CSMD3: variants seen among roughly 807,000 people sequenced by gnomAD.
CSMD3 encodes CUB and sushi domain-containing protein 3.
Under a neutral mutation model 435.2 loss-of-function variants are expected in CSMD3, and 177 were observed. The ratio of observed to expected loss-of-function variants is 0.41; its 90% CI spans 0.36 to 0.46. The LOEUF is 0.46. Ranked by LOEUF, CSMD3 falls within the 20% of genes least tolerant of loss-of-function variation. CSMD3 has a pLI of 0.34. For missense variants in CSMD3, 4,265 were observed against 4,504.6 expected, an observed-to-expected ratio of 0.95 and a Z score of 1.52; for synonymous variants, 1,656 against 1,520.5, an observed-to-expected ratio of 1.09 and a Z score of -2.07.
At chr8:112,361,056 A>ATTTGTAGGAATCAATAAGAGAATTTT (rs1827151258) in intron 38 of CSMD3, among the ~76,000 whole-genome samples, 1 of 152,006 alleles carries the variant, frequency 6.6e-6, no homozygotes, top group Non-Finnish European at 1.5e-5. Context: ...TCAATAAGTT[A>ATTTGTAGGAATCAATAAGAGAATTTT]TTTGTAGGAA....
At chr8:113,268,491 A>C (rs566893263) in intron 3 of CSMD3, among the ~76,000 whole-genome samples, 5 of 152,014 alleles carry the variant, frequency 3.3e-5, no homozygotes, top group Admixed American at 2.0e-4. Flanking sequence ...GGAAAACTAG[A>C]GATATATGCA....
At position 112,535,856 on chromosome 8, in the gene CSMD3, G is replaced by A. The variant is rs200019699; in HGVS notation, c.4564+14815C>T. Among the ~76,000 whole-genome samples, 154 of 152,212 alleles carry A rather than the reference G, an allele frequency of 1.0e-3. 1 individual carries two copies. The East Asian group carries it at 0.024, about 24-fold the overall frequency. On this transcript the variant is annotated intron_variant, in intron 27 of 70. Transcript: ENST00000297405. ...TCAATGGAACAGAACAGAGCCCTCAGAAATAATGCCACATACCTACAACTA... is the reference window on the plus strand; with the variant it reads ...TCAATGGAACAGAACAGAGCCCTCAAAAATAATGCCACATACCTACAACTA...
intron 38 of CSMD3, among the ~76,000 whole-genome samples, chr8:112,353,700 C>T (rs1053460889): frequency 1.3e-5 from 2 of 151,790 alleles, no homozygotes; most frequent in Non-Finnish European, 2.9e-5. Flanking sequence ...AAAATAAAAT[C>T]AGTAAGAAAA....
chr8:113,048,986 C>G (rs746792034), intron 5 of CSMD3, among the ~76,000 whole-genome samples: 5 of 152,072 alleles, frequency 3.3e-5, no homozygotes, highest in African/African-American at 4.8e-5. Context: ...GGCCTATAAT[C>G]CCAGCACTTT....
intron 13 of CSMD3, among the ~76,000 whole-genome samples, chr8:112,691,463 T>C (rs1218084063): frequency 1.3e-5 from 2 of 152,130 alleles, no homozygotes; most frequent in Non-Finnish European, 2.9e-5. Context: ...CCATTTTTTT[T>C]CTTCAAAGGT....
intron 3 of CSMD3, among the ~76,000 whole-genome samples, chr8:113,198,156 TA>T (rs937495846): frequency 2.6e-5 from 4 of 151,480 alleles, no homozygotes; most frequent in Admixed American, 2.0e-4. Context: ...AATTGATTTC[TA>T]TTCTAGCTTT....
intron 3 of CSMD3, among the ~76,000 whole-genome samples, chr8:113,228,251 G>T (rs1249104024): frequency 1.3e-5 from 2 of 151,310 alleles, no homozygotes; most frequent in Non-Finnish European, 3.0e-5. Context: ...CATATTTCAG[G>T]TCCACCTTCC....
intron 1 of CSMD3, among the ~76,000 whole-genome samples, chr8:113,431,422 T>C (rs1178577936): frequency 6.6e-6 from 1 of 152,242 alleles, no homozygotes; most frequent in Non-Finnish European, 1.5e-5. Flanking sequence ...AACCATTTTA[T>C]TTCTAATTTC....
At chr8:112,363,768 G>C (rs935720475) in intron 38 of CSMD3, among the ~76,000 whole-genome samples, 1 of 152,000 alleles carries the variant, frequency 6.6e-6, no homozygotes, top group Admixed American at 6.6e-5. Context: ...GGGCTTTATA[G>C]GGTTAAGAAG....
chr8:112,469,160 C>CA (rs71309771), intron 32 of CSMD3, among the ~76,000 whole-genome samples: 21,563 of 91,016 alleles, frequency 0.24, 2,909 homozygotes, highest in African/African-American at 0.36. Flanking sequence ...CTACACCAGG[C>CA]AAAAAAAAAA....
intron 28 of CSMD3, among the ~76,000 whole-genome samples, chr8:112,515,615 G>T (rs1823590435): frequency 6.6e-6 from 1 of 152,072 alleles, no homozygotes; most frequent in Admixed American, 6.6e-5. Flanking sequence ...GGTGTGAATA[G>T]AAATAGTGTA....
intron 45 of CSMD3, among the ~76,000 whole-genome samples, chr8:112,326,247 G>A (rs11985932): frequency 6.6e-6 from 1 of 152,102 alleles, no homozygotes; most frequent in Non-Finnish European, 1.5e-5. Context: ...ACATTGTGCA[G>A]CTCTGCTTCT....
chr8:113,260,705 C>T (rs1296428191), intron 3 of CSMD3, among the ~76,000 whole-genome samples: 1 of 152,052 alleles, frequency 6.6e-6, no homozygotes, highest in Non-Finnish European at 1.5e-5. Context: ...TTTGCTGCCC[C>T]TATCAATTCG....
intron 5 of CSMD3, among the ~76,000 whole-genome samples, chr8:113,051,559 A>G (rs2131328338): frequency 6.6e-6 from 1 of 152,296 alleles, no homozygotes. Flanking sequence ...CTAAAGGATT[A>G]CACTTAGAAT....
At chr8:113,134,560 C>T (rs892282801) in intron 4 of CSMD3, among the ~76,000 whole-genome samples, 3 of 151,932 alleles carry the variant, frequency 2.0e-5, no homozygotes, top group African/African-American at 7.2e-5. Context: ...CAACTGTAAT[C>T]TTTTTAAAGG....
chr8:112,732,023 C>T (rs961685670), intron 13 of CSMD3, among the ~76,000 whole-genome samples: 9 of 151,742 alleles, frequency 5.9e-5, no homozygotes, highest in Admixed American at 2.0e-4. Context: ...AAGGTCTAGT[C>T]GTGTTGATTA....
chr8:113,327,780 A>G (rs1215906702), intron 1 of CSMD3, among the ~76,000 whole-genome samples: 1 of 152,190 alleles, frequency 6.6e-6, no homozygotes, highest in Non-Finnish European at 1.5e-5. Flanking sequence ...AAAAAAAAAA[A>G]AAAGTTGAAA....
At chr8:113,168,946 T>C (rs1049783535) in intron 4 of CSMD3, among the ~76,000 whole-genome samples, 19 of 152,148 alleles carry the variant, frequency 1.2e-4, no homozygotes, top group African/African-American at 4.6e-4. Flanking sequence ...CAAGCAAACA[T>C]AATAAATATC....
intron 1 of CSMD3, among the ~76,000 whole-genome samples, chr8:113,334,148 T>C (rs1325079789): frequency 6.6e-6 from 1 of 151,906 alleles, no homozygotes; most frequent in Non-Finnish European, 1.5e-5. Flanking sequence ...TGTAGAGTAG[T>C]CTTTCTGTAC....
Sources: allele counts gnomAD v4.1 joint callset (sites outside exome capture counted in the v4.1 genomes callset), GRCh38; gene constraint gnomAD v4.1.1; transcripts MANE v1.5; gene names NCBI Gene and HGNC (gene_info 2026-07-23, HGNC 2026-07-21).